ALPK2: variants seen among roughly 807,000 people sequenced by gnomAD.
ALPK2 encodes the protein alpha kinase 2, also known as alpha-protein kinase 2.
A neutral mutation model predicts 163.1 loss-of-function variants in ALPK2; 127 were observed. The observed-to-expected ratio is 0.78, with a 90% CI of 0.67 to 0.90. The LOEUF is 0.90. Among genes scored for constraint, ALPK2 ranks in the 40% least tolerant of loss-of-function variants. The probability of loss-of-function intolerance (pLI) is 0.00; values close to 1 mark genes in which losing one functional copy is unlikely to be tolerated. For synonymous variants in ALPK2, 953 were observed against 959.1 expected, an observed-to-expected ratio of 0.99 and a Z score of 0.12; for missense variants, 2,360 against 2,589.6, an observed-to-expected ratio of 0.91 and a Z score of 1.92.
chr18:58,619,551 A>G (rs1472365645), intron 1 of ALPK2, among the ~76,000 whole-genome samples: 1 of 152,196 alleles, frequency 6.6e-6, no homozygotes, highest in Non-Finnish European at 1.5e-5. Flanking sequence ...TCCTAATGTA[A>G]TATTACATAC....
intron 1 of ALPK2, among the ~76,000 whole-genome samples, chr18:58,627,505 T>C (rs898502762): frequency 5.3e-5 from 8 of 152,108 alleles, no homozygotes; most frequent in African/African-American, 1.9e-4. Flanking sequence ...GCACCCGTAA[T>C]GCCACCTACT....
At chr18:58,569,310 C>T (rs1042503595) in intron 4 of ALPK2, among the ~76,000 whole-genome samples, 2 of 152,194 alleles carry the variant, frequency 1.3e-5, no homozygotes, top group African/African-American at 4.8e-5. Flanking sequence ...GCCCACACTG[C>T]AGACCAAATC....
At position 58,535,274 on chromosome 18, in the gene ALPK2, C is replaced by G. The variant is rs2051638020; in HGVS notation, c.4913G>C (p.Gly1638Ala). 6.2e-7 allele frequency: 1 copy of G among 1,613,928 alleles called. No homozygotes were observed. Among genetic ancestry groups the G allele is most frequent in the Admixed American group, 1.7e-5 (1 of 59,990 alleles). ...EEPKIEVLQI[G>A]ETKPPSSSSS... The stretch of plus-strand genomic sequence containing the variant: ...AGATGAGCTTGGGGGTTTGGTTTCC[C>G]CAATTTGAAGCACCTCTATTTTAGG... The change falls in exon 5 of 13, where the codon GGG becomes GCG. Residue 1638 changes from glycine to alanine, a missense_variant. Gly to Ala is a moderately conservative substitution (Grantham distance 60). Transcript: ENST00000361673.
Position 58,536,724 on chromosome 18 carries a change from G to A in ALPK2, c.3463C>T (p.Gln1155Ter). ...GCAGCAGATGTCGTAGGCAAACTTT[G>A]TTGGAAATCAGGTGCAGAAAGAGAA... is the stretch of plus-strand genomic sequence containing the variant. ...QGSLSAPDFQ[Q>*]SLPTTSAAQE... The change falls in exon 5 of 13, where the codon CAA becomes TAA. Residue 1155 changes from glutamine to a stop codon, truncating the protein, a stop_gained. Coordinates refer to ENST00000361673, the MANE Select transcript of ALPK2 (RefSeq NM_052947.4). LOFTEE classifies it high-confidence loss of function. 2.5e-6 allele frequency: 4 copies of A among 1,614,198 alleles called. No homozygotes were observed. Among genetic ancestry groups the A allele is most frequent in the African/African-American group, 1.3e-5 (1 of 75,050 alleles).
Position 58,601,411 on chromosome 18 carries a change from A to G in ALPK2, c.227+5911T>C, listed in dbSNP as rs373670125. ...CAAAATCTGGCTACAAATTCCACTC[A>G]TGTGAGTACGCACACCTTGTTGCAA... On this transcript the variant is annotated intron_variant, in intron 3 of 12. Coordinates refer to ENST00000361673, the MANE Select transcript of ALPK2 (RefSeq NM_052947.4). 6.6e-5 allele frequency among the ~76,000 whole-genome samples: 10 copies of G among 152,200 alleles called. No individual in the cohort carries two copies. In the East Asian group the frequency reaches 1.2e-3, roughly 18 times the overall value.
At chr18:58,624,181 A>T (rs1292894871) in intron 1 of ALPK2, among the ~76,000 whole-genome samples, 1 of 152,208 alleles carries the variant, frequency 6.6e-6, no homozygotes, top group East Asian at 1.9e-4. Flanking sequence ...GGCACTCTCC[A>T]AAAAGTAGTT....
chr18:58,508,171 A>G (rs1367243429), intron 10 of ALPK2, among the ~76,000 whole-genome samples: 1 of 152,124 alleles, frequency 6.6e-6, no homozygotes, highest in African/African-American at 2.4e-5. Context: ...GACTCTACTA[A>G]TAATAAACAA....
intron 10 of ALPK2, among the ~76,000 whole-genome samples, chr18:58,505,564 CCT>C (rs1451734744): frequency 7.2e-5 from 11 of 152,088 alleles, no homozygotes; most frequent in Non-Finnish European, 1.3e-4. Context: ...TCCTTTCTCT[CCT>C]CCATCAATAT....
intron 4 of ALPK2, among the ~76,000 whole-genome samples, chr18:58,550,071 G>A (rs887458209): frequency 1.3e-5 from 2 of 152,098 alleles, no homozygotes; most frequent in Non-Finnish European, 2.9e-5. Flanking sequence ...CTTTCAGATT[G>A]TGCAGAGATA....
At chr18:58,571,171 G>A (rs536167717) in intron 4 of ALPK2, among the ~76,000 whole-genome samples, 112 of 152,050 alleles carry the variant, frequency 7.4e-4, no homozygotes, top group Admixed American at 5.5e-3. Flanking sequence ...ACAGGCAAGC[G>A]CCACCATGCC....
intron 6 of ALPK2, 28 bp from the exon 7 acceptor site, chr18:58,524,090 C>G (rs1313515932): frequency 6.3e-7 from 1 of 1,594,940 alleles, no homozygotes; most frequent in African/African-American, 1.3e-5. Context: ...CACATTGACA[C>G]ACTTCATCAT....
chr18:58,553,543 C>T (rs187987731), intron 4 of ALPK2, among the ~76,000 whole-genome samples: 1 of 152,244 alleles, frequency 6.6e-6, no homozygotes, highest in East Asian at 1.9e-4. Flanking sequence ...ATTGTAATCC[C>T]TATAATCCCC....
In ALPK2 at chr18:58,537,985, C is replaced by G; in HGVS notation, c.2202G>C (p.Arg734Ser). 1 of 1,614,158 alleles carries G rather than the reference C, an allele frequency of 6.2e-7. No individual in the cohort carries two copies. Among genetic ancestry groups the G allele is most frequent in the Non-Finnish European group, 8.5e-7 (1 of 1,180,030 alleles). Residue 734 changes from arginine (R) to serine (S), a missense_variant, in exon 5 of 13, where the codon AGG becomes AGC. Arg to Ser is a moderately radical substitution (Grantham distance 110). Transcript: ENST00000361673. ...DRDGNIPDNF[R>S]EDLKYEQSIS... ...TGCTCTGCTCATATTTTAGGTCTTCCCTGAAATTGTCAGGTATGTTGCCAT... is the reference window on the plus strand; with the variant it reads ...TGCTCTGCTCATATTTTAGGTCTTCGCTGAAATTGTCAGGTATGTTGCCAT...
At chr18:58,498,474 C>T (rs561389685) in intron 11 of ALPK2, among the ~76,000 whole-genome samples, 1 of 152,282 alleles carries the variant, frequency 6.6e-6, no homozygotes, top group East Asian at 1.9e-4. Context: ...AGGTCTGGCT[C>T]CCCGTTCTTC....
chr18:58,549,517 A>C (rs2051738547), intron 4 of ALPK2, among the ~76,000 whole-genome samples: 1 of 152,232 alleles, frequency 6.6e-6, no homozygotes, highest in East Asian at 1.9e-4. Flanking sequence ...TCTGGAATTC[A>C]ATGTTGTGAT....
rs750076203 is a variant in ALPK2 at position 58,537,532 on chromosome 18, G to T, written c.2655C>A (p.Val885=). 3 of 1,613,664 alleles carry T rather than the reference G, an allele frequency of 1.9e-6. No homozygotes were observed. The East Asian group carries it at 6.7e-5, about 36-fold the overall frequency. Residue 885 remains valine (V), a synonymous_variant, in exon 5 of 13, where the codon GTC becomes GTA. Coordinates refer to ENST00000361673, the MANE Select transcript of ALPK2 (RefSeq NM_052947.4). ...AAGTACTGGTAAAAAGAGGGGACAT[G>T]ACTGAGTTGCCGTCCTTGCTGCTTT... ...TCKSSKDGNS[V]MSPLFTSTFT... is the part of the protein sequence containing the mutation.
chr18:58,525,032 A>T (rs564960206), intron 6 of ALPK2, among the ~76,000 whole-genome samples: 5 of 151,944 alleles, frequency 3.3e-5, no homozygotes, highest in Admixed American at 6.5e-5. Context: ...ACATTCACCA[A>T]GATTCTGTGT....
intron 10 of ALPK2, among the ~76,000 whole-genome samples, chr18:58,510,960 T>C (rs12965330): frequency 0.23 from 34,552 of 152,228 alleles, 4,570 homozygotes; most frequent in South Asian, 0.42. Context: ...CCCTGTCTTA[T>C]GCCAGTTTTC....
At chr18:58,490,560 C>T (rs1391231998) in intron 12 of ALPK2, among the ~76,000 whole-genome samples, 1 of 152,030 alleles carries the variant, frequency 6.6e-6, no homozygotes, top group East Asian at 1.9e-4. Flanking sequence ...GTTGAAGCCA[C>T]AGTCCCAGCT....
Sources: gnomAD v4.1 joint callset for allele counts (sites outside exome capture counted in the v4.1 genomes callset) on GRCh38, gnomAD v4.1.1 for gene constraint, MANE v1.5 for transcripts, NCBI Gene and HGNC (gene_info 2026-07-23, HGNC 2026-07-21) for gene names.